Variants in LRRC63 observed in about 807,000 individuals in gnomAD.
The protein encoded by LRRC63 is leucine rich repeat containing 63.
In LRRC63, 40 loss-of-function variants were observed where a neutral mutation model predicts 49.5. The ratio of observed to expected loss-of-function variants is 0.81; its 90% CI spans 0.63 to 1.05. The LOEUF (loss-of-function observed/expected upper bound fraction) is 1.05. Ranked by LOEUF, LRRC63 falls within the 50% of genes least tolerant of loss-of-function variation. LRRC63 has a pLI of 0.00. For synonymous variants in LRRC63, 191 were observed against 221.1 expected, an observed-to-expected ratio of 0.86 and a Z score of 1.21; for missense variants, 636 against 663.1, an observed-to-expected ratio of 0.96 and a Z score of 0.45.
intron 9 of LRRC63, chr13:46,270,700 C>T: frequency 1.5e-6 from 1 of 648,464 alleles, no homozygotes; most frequent in South Asian, 1.6e-5. Flanking sequence ...GGAGAAGAAC[C>T]AGTATCTGTG....
intron 9 of LRRC63, among the ~76,000 whole-genome samples, chr13:46,274,738 A>G (rs981320019): frequency 6.6e-6 from 1 of 152,224 alleles, no homozygotes; most frequent in Non-Finnish European, 1.5e-5. Context: ...TAGTTGGCAC[A>G]TAATTATACA....
chr13:46,276,826 G>GTA lies in LRRC63; in HGVS notation c.*24_*25insAT, dbSNP rs752992115. Reference sequence around the variant, plus strand: ...TAGTACAATGATTTATCGTATGTGTGTGTATATATATATATATATATATAT... The same window carrying GTA: ...TAGTACAATGATTTATCGTATGTGTGTATGTATATATATATATATATATATAT... On this transcript the variant is annotated 3_prime_UTR_variant, in exon 10 of 10. Coordinates refer to ENST00000595396, the Ensembl canonical transcript of LRRC63. The GTA allele has an allele frequency of 8.3e-3, 1,372 of 165,256 alleles. 44 individuals are homozygous for GTA. The highest frequency in any genetic ancestry group is 0.043 in the African/African-American group (1,291 of 30,366). 10.2% of individuals were successfully genotyped at this position (165,256 alleles called of 1,614,324 possible).
At chr13:46,241,227 A>T (rs1009206987) in intron 5 of LRRC63, among the ~76,000 whole-genome samples, 2 of 152,238 alleles carry the variant, frequency 1.3e-5, no homozygotes, top group Non-Finnish European at 2.9e-5. Flanking sequence ...TGGGGAAAGG[A>T]TTCCCTATTC....
At chr13:46,223,086 A>T (rs1324217771) in intron 2 of LRRC63, among the ~76,000 whole-genome samples, 1 of 150,216 alleles carries the variant, frequency 6.7e-6, no homozygotes, top group Non-Finnish European at 1.5e-5. Context: ...GGGGAAGGAT[A>T]GCATTAGGAG....
intron 6 of LRRC63, 43 bp from the exon 7 acceptor site, chr13:46,250,311 CT>C (rs1168211858): frequency 7.2e-7 from 1 of 1,395,316 alleles, no homozygotes; most frequent in African/African-American, 1.5e-5. Flanking sequence ...GATTTGCATA[CT>C]TTATTATTCC....
chr13:46,243,250 A>G (rs970918165), intron 5 of LRRC63, among the ~76,000 whole-genome samples: 1 of 152,172 alleles, frequency 6.6e-6, no homozygotes, highest in African/African-American at 2.4e-5. Flanking sequence ...ATCAGTTTAA[A>G]ATTGCCTATT....
chr13:46,271,354 A>T (rs1594102033), intron 9 of LRRC63, among the ~76,000 whole-genome samples: 1 of 152,172 alleles, frequency 6.6e-6, no homozygotes, highest in Admixed American at 6.5e-5. Context: ...TAATGTGACG[A>T]CCAAAAAGTC....
chr13:46,223,224 A>T (rs141750796), intron 2 of LRRC63, among the ~76,000 whole-genome samples: 3,348 of 151,894 alleles, frequency 0.022, 128 homozygotes, highest in African/African-American at 0.076. Flanking sequence ...TAATAAAATT[A>T]AAAAAAAGAA....
At chr13:46,254,799 A>G (rs2047468081) in intron 7 of LRRC63, among the ~76,000 whole-genome samples, 1 of 152,288 alleles carries the variant, frequency 6.6e-6, no homozygotes, top group Non-Finnish European at 1.5e-5. Flanking sequence ...GGTGACACGA[A>G]TCTGCATTTC....
chr13:46,252,449 A>G (rs776692722), intron 7 of LRRC63, among the ~76,000 whole-genome samples: 3 of 152,062 alleles, frequency 2.0e-5, no homozygotes, highest in Non-Finnish European at 4.4e-5. Context: ...TTTGAATGTT[A>G]TACTTTCATT....
intron 7 of LRRC63, among the ~76,000 whole-genome samples, chr13:46,251,709 A>G (rs1181876736): frequency 6.6e-6 from 1 of 151,934 alleles, no homozygotes; most frequent in East Asian, 1.9e-4. Flanking sequence ...ACACATATAC[A>G]ATTACATATA....
At chr13:46,245,290 TATGTGCAGTCAA>T (rs2138499949) in intron 5 of LRRC63, among the ~76,000 whole-genome samples, 1 of 152,266 alleles carries the variant, frequency 6.6e-6, no homozygotes, top group South Asian at 2.1e-4. Flanking sequence ...CAAGAATTGA[TATGTGCAGTCAA>T]AAACAATTCA....
At chr13:46,252,261 C>T (rs1282935268) in intron 7 of LRRC63, among the ~76,000 whole-genome samples, 1 of 151,922 alleles carries the variant, frequency 6.6e-6, no homozygotes, top group Non-Finnish European at 1.5e-5. Context: ...CAGAAATCTA[C>T]CTTGCTGAGC....
intron 5 of LRRC63, among the ~76,000 whole-genome samples, chr13:46,240,301 G>C (rs1370800356): frequency 6.7e-6 from 1 of 148,736 alleles, no homozygotes; most frequent in Non-Finnish European, 1.5e-5. Flanking sequence ...TAATTTTTTT[G>C]TATTTTTAGT....
At chr13:46,276,998 T>G (rs1243743517) in exon 10 of LRRC63, 1 of 153,248 alleles carries the variant, frequency 6.5e-6, no homozygotes, top group Non-Finnish European at 1.4e-5. Flanking sequence ...TCATACGAAT[T>G]ATCTTTGTAA....
At chr13:46,267,332 G>C (rs1456985328) in intron 9 of LRRC63, among the ~76,000 whole-genome samples, 1 of 152,202 alleles carries the variant, frequency 6.6e-6, no homozygotes, top group African/African-American at 2.4e-5. Context: ...TCACTCCACT[G>C]TGATGTCATG....
chr13:46,246,553 C>T lies in LRRC63; in HGVS notation c.1017C>T (p.Asp339=), dbSNP rs759885285. 2.1e-4 allele frequency: 315 copies of T among 1,465,416 alleles called. 1 individual carries two copies. The highest frequency in any genetic ancestry group is 2.6e-4 in the Non-Finnish European group (287 of 1,112,068). 90.8% of individuals were successfully genotyped at this position (1,465,416 alleles called of 1,614,324 possible). A position where few individuals can be genotyped will look rare whatever the true frequency, so the allele number is the denominator to read the frequency against. ...GCTTTTTTATCCTAAATTGTCCAGA[C>T]TTAACACCTTTGGCTTTCCAGTTGA... The change falls in exon 6 of 10, where the codon GAC becomes GAT. Residue 339 remains aspartate (D), a synonymous_variant. Transcript: ENST00000595396.
At chr13:46,219,434 G>A (rs188387029) in intron 2 of LRRC63, among the ~76,000 whole-genome samples, 2 of 152,152 alleles carry the variant, frequency 1.3e-5, no homozygotes, top group African/African-American at 4.8e-5. Context: ...TTCTTGTGCT[G>A]TGATTTTCAG....
chr13:46,274,917 C>A (rs2047812288), intron 9 of LRRC63, among the ~76,000 whole-genome samples: 1 of 152,094 alleles, frequency 6.6e-6, no homozygotes, highest in African/African-American at 2.4e-5. Flanking sequence ...TATTCACCTA[C>A]AGTGCTATAG....
Sources: gnomAD v4.1 joint callset for allele counts (sites outside exome capture counted in the v4.1 genomes callset) on GRCh38, gnomAD v4.1.1 for gene constraint, MANE v1.5 for transcripts, NCBI Gene and HGNC (gene_info 2026-07-23, HGNC 2026-07-21) for gene names.